DCC: variants seen among roughly 807,000 people sequenced by gnomAD.
DCC encodes the protein DCC netrin 1 receptor.
Under a neutral mutation model 172.5 loss-of-function variants are expected in DCC, and 58 were observed. The ratio of observed to expected loss-of-function variants is 0.34; its 90% CI spans 0.27 to 0.42. The LOEUF (loss-of-function observed/expected upper bound fraction) is 0.42, where lower values mean the gene tolerates loss of function less well. Among genes scored for constraint, DCC ranks in the 10% least tolerant of loss-of-function variants. The probability of loss-of-function intolerance (pLI) is 1.00; values close to 1 mark genes in which losing one functional copy is unlikely to be tolerated. For missense variants in DCC, 1,740 were observed against 1,791.0 expected (o/e 0.97, Z 0.51); for synonymous variants, 709 against 644.5 (o/e 1.10, Z -1.52).
Position 53,060,374 on chromosome 18 carries a change from C to A in DCC, c.986-2931C>A, listed in dbSNP as rs141795759. Among the ~76,000 whole-genome samples, 157 of 152,144 alleles carry A rather than the reference C, an allele frequency of 1.0e-3. 4 individuals are homozygous for A. The East Asian group carries it at 0.027, about 26-fold the overall frequency. On this transcript the variant is annotated intron_variant, in intron 5 of 28. Transcript: ENST00000442544. Reference sequence around the variant, plus strand: ...ATATTGCTGTTTGGTACTTCAACTCCCCATTTAAGTGAGAAAAGTTATTTT... The same window carrying A: ...ATATTGCTGTTTGGTACTTCAACTCACCATTTAAGTGAGAAAAGTTATTTT...
At chr18:53,511,066 G>A (rs1386107560) in intron 27 of DCC, among the ~76,000 whole-genome samples, 1 of 152,168 alleles carries the variant, frequency 6.6e-6, no homozygotes, top group Non-Finnish European at 1.5e-5. Context: ...CAAGGCATGA[G>A]CAATAAGGTA....
intron 1 of DCC, among the ~76,000 whole-genome samples, chr18:52,449,426 C>T (rs541312569): frequency 1.3e-5 from 2 of 152,290 alleles, no homozygotes; most frequent in South Asian, 2.1e-4. Flanking sequence ...TAGATGATAA[C>T]TTAAGAGTCC....
At chr18:53,038,334 C>T (rs576886131) in intron 5 of DCC, among the ~76,000 whole-genome samples, 4 of 152,008 alleles carry the variant, frequency 2.6e-5, no homozygotes, top group East Asian at 3.9e-4. Context: ...ATATCATAAA[C>T]GGAGTGGCTT....
chr18:53,332,880 C>A (rs946859805), intron 14 of DCC, among the ~76,000 whole-genome samples: 1 of 152,010 alleles, frequency 6.6e-6, no homozygotes, highest in Non-Finnish European at 1.5e-5. Flanking sequence ...GCCTGGGCAA[C>A]ACAGGGAGAC....
intron 2 of DCC, among the ~76,000 whole-genome samples, chr18:52,784,667 A>G (rs76212234): frequency 0.053 from 8,031 of 151,980 alleles, 286 homozygotes; most frequent in South Asian, 0.16. Flanking sequence ...GATGATGTTG[A>G]TATTGAAAAT....
chr18:52,946,343 G>A (rs2145536600), intron 5 of DCC, among the ~76,000 whole-genome samples: 1 of 152,290 alleles, frequency 6.6e-6, no homozygotes, highest in African/African-American at 2.4e-5. Flanking sequence ...GAAATGAACT[G>A]TTTTTTAGAA....
intron 1 of DCC, among the ~76,000 whole-genome samples, chr18:52,426,998 T>C (rs1987451031): frequency 6.6e-6 from 1 of 152,116 alleles, no homozygotes; most frequent in South Asian, 2.1e-4. Context: ...TAATTTGCAT[T>C]TTTATAGAGA....
chr18:53,046,057 G>A (rs933982084), intron 5 of DCC, among the ~76,000 whole-genome samples: 6 of 151,654 alleles, frequency 4.0e-5, no homozygotes, highest in African/African-American at 7.3e-5. Flanking sequence ...ATGAACTCTC[G>A]TGTTATCTTC....
intron 1 of DCC, among the ~76,000 whole-genome samples, chr18:52,615,918 CAT>C (rs1330198090): frequency 2.0e-5 from 3 of 152,034 alleles, no homozygotes; most frequent in Admixed American, 1.3e-4. Context: ...GATATATAAA[CAT>C]ATATGCTTAT....
At chr18:53,019,979 T>A (rs932078825) in intron 5 of DCC, among the ~76,000 whole-genome samples, 4 of 152,150 alleles carry the variant, frequency 2.6e-5, no homozygotes, top group African/African-American at 7.2e-5. Context: ...CTAAAGTGAT[T>A]GTAGCCACAT....
intron 26 of DCC, among the ~76,000 whole-genome samples, chr18:53,493,120 CTGTT>C (rs1314454684): frequency 9.9e-5 from 15 of 152,206 alleles, no homozygotes; most frequent in African/African-American, 3.4e-4. Flanking sequence ...ATTTGGCTCT[CTGTT>C]TGTCTGTTAT....
chr18:53,437,644 AC>A (rs1302410663), intron 22 of DCC, among the ~76,000 whole-genome samples: 1 of 150,414 alleles, frequency 6.6e-6, no homozygotes, highest in Non-Finnish European at 1.5e-5. Flanking sequence ...ACTTGTTGAG[AC>A]AGAAAACAGA....
At chr18:53,128,868 CACATATATATATATATAT>C (rs1318758913) in intron 7 of DCC, among the ~76,000 whole-genome samples, 17 of 57,436 alleles carry the variant, frequency 3.0e-4, no homozygotes, top group African/African-American at 9.4e-4. Flanking sequence ...CACACACACA[CACATATATATATATATAT>C]ATATATATAT....
chr18:52,392,737 C>G (rs891066527), intron 1 of DCC, among the ~76,000 whole-genome samples: 2 of 151,946 alleles, frequency 1.3e-5, no homozygotes, highest in Non-Finnish European at 2.9e-5. Flanking sequence ...GTGTTCCTGT[C>G]TACTCAAAAA....
At position 53,158,988 on chromosome 18, in the gene DCC, C is replaced by CAAAAAAAAAAAAAAAAAAAA. The variant is rs558049091; in HGVS notation, c.1418+1493_1418+1494insAAAAAAAAAAAAAAAAAAAA. Among the ~76,000 whole-genome samples, 46 of 52,344 alleles carry CAAAAAAAAAAAAAAAAAAAA rather than the reference C, an allele frequency of 8.8e-4. 2 individuals carry two copies. Among genetic ancestry groups the CAAAAAAAAAAAAAAAAAAAA allele is most frequent in the African/African-American group, 2.6e-3 (44 of 16,636 alleles). The allele number at this position is 52,344 out of a possible 152,430, so 34.3% of individuals were successfully genotyped here. ...AGCCTGGGCAACAGAGACGCCATCT[C>CAAAAAAAAAAAAAAAAAAAA]AAAAAAAAAAAAAAAAAGAAGAAGA... On this transcript the variant is annotated intron_variant, in intron 8 of 28. Transcript: ENST00000442544.
At chr18:53,154,714 G>A (rs879672681) in intron 7 of DCC, among the ~76,000 whole-genome samples, 3 of 152,094 alleles carry the variant, frequency 2.0e-5, no homozygotes, top group Non-Finnish European at 4.4e-5. Flanking sequence ...GTGAGTGAAG[G>A]AGAGTCAGGA....
At chr18:52,663,507 G>A (rs1379588265) in intron 1 of DCC, among the ~76,000 whole-genome samples, 2 of 151,898 alleles carry the variant, frequency 1.3e-5, no homozygotes, top group Non-Finnish European at 2.9e-5. Flanking sequence ...AGTTCTGTAG[G>A]GACAGTTGGG....
chr18:53,144,338 G>C (rs2043873688), intron 7 of DCC, among the ~76,000 whole-genome samples: 1 of 152,072 alleles, frequency 6.6e-6, no homozygotes, highest in African/African-American at 2.4e-5. Context: ...TTCTCATGCT[G>C]CAAATAAAGA....
chr18:53,397,273 A>AT (rs770564034), intron 17 of DCC, 35 bp from the exon 18 acceptor site: 1 of 1,601,552 alleles, frequency 6.2e-7, no homozygotes, highest in Non-Finnish European at 8.6e-7. Flanking sequence ...GATAGAGTTT[A>AT]TTTTTTATCT....
Sources: allele counts gnomAD v4.1 joint callset (sites outside exome capture counted in the v4.1 genomes callset), GRCh38; gene constraint gnomAD v4.1.1; transcripts MANE v1.5; gene names NCBI Gene and HGNC (gene_info 2026-07-23, HGNC 2026-07-21).